GASK1B: variants seen among roughly 807,000 people sequenced by gnomAD.
The protein encoded by GASK1B is Golgi-associated kinase 1B.
A neutral mutation model predicts 42.8 loss-of-function variants in GASK1B; 34 were observed. The ratio of observed to expected loss-of-function variants is 0.79; its 90% CI spans 0.60 to 1.06. The LOEUF (loss-of-function observed/expected upper bound fraction) is 1.06. Among genes scored for constraint, GASK1B ranks in the 50% least tolerant of loss-of-function variants. The pLI is 0.00. For synonymous variants in GASK1B, 262 were observed against 259.1 expected (o/e 1.01, Z -0.11); for missense variants, 686 against 661.0 (o/e 1.04, Z -0.42).
chr4:158,164,220 T>C (rs1732141586), intron 2 of GASK1B, among the ~76,000 whole-genome samples: 1 of 152,226 alleles, frequency 6.6e-6, no homozygotes, highest in Non-Finnish European at 1.5e-5. Context: ...TAGCACATAG[T>C]AGATGCTCAA....
chr4:158,170,625 C>G lies in GASK1B; in HGVS notation c.751G>C (p.Gly251Arg), dbSNP rs146221046. The change falls in exon 2 of 5, where the codon GGG becomes CGG. Residue 251 changes from glycine to arginine, a missense_variant. By Grantham distance (125) the Gly-to-Arg change is moderately radical. Transcript: ENST00000585682. ...RSGARLLVLE[G>R]GAPGAVLRCG... ...CGGAGCACAGCGCCAGGTGCGCCCC[C>G]CTCCAGCACCAGCAAACGGGCTCCG... is the stretch of plus-strand genomic sequence containing the variant. 7.4e-5 allele frequency: 120 copies of G among 1,613,800 alleles called. No individual in the cohort carries two copies. In the African/African-American group the frequency reaches 7.7e-4, roughly 10 times the overall value.
At chr4:158,144,270 A>G (rs1731248562) in intron 3 of GASK1B, among the ~76,000 whole-genome samples, 1 of 152,210 alleles carries the variant, frequency 6.6e-6, no homozygotes, top group Admixed American at 6.5e-5. Flanking sequence ...AGCTTCCTTA[A>G]GTAAGATAAC....
intron 3 of GASK1B, among the ~76,000 whole-genome samples, chr4:158,151,026 G>C (rs1376911610): frequency 2.6e-5 from 4 of 152,150 alleles, no homozygotes; most frequent in African/African-American, 9.7e-5. Flanking sequence ...ACTAACAAAA[G>C]GATAATGTTT....
At chr4:158,150,547 T>C (rs1313989504) in intron 3 of GASK1B, among the ~76,000 whole-genome samples, 3 of 152,192 alleles carry the variant, frequency 2.0e-5, no homozygotes, top group Admixed American at 6.5e-5. Flanking sequence ...AGGAGTCTCA[T>C]ATCTTCTGCT....
chr4:158,171,582 G>A lies in GASK1B; in HGVS notation c.-207C>T. 2 of 459,184 alleles carry A rather than the reference G, an allele frequency of 4.4e-6. No homozygotes were observed. Among genetic ancestry groups the A allele is most frequent in the Non-Finnish European group, 7.5e-6 (2 of 267,750 alleles). The allele number at this position is 459,184 out of a possible 1,614,324, so 28.4% of individuals were successfully genotyped here. ...CTTTTAAATTATCAGTCTCCCCAAGGAGAAATGCGGCTTGTTTCTGGGAAT... is the reference window on the plus strand; with the variant it reads ...CTTTTAAATTATCAGTCTCCCCAAGAAGAAATGCGGCTTGTTTCTGGGAAT... On this transcript the variant is annotated 5_prime_UTR_variant, in exon 2 of 5. Coordinates refer to ENST00000585682, the MANE Select transcript of GASK1B (RefSeq NM_001128424.2).
intron 2 of GASK1B, among the ~76,000 whole-genome samples, chr4:158,165,144 GCTTAAA>G (rs1732177599): frequency 6.6e-6 from 1 of 152,176 alleles, no homozygotes; most frequent in African/African-American, 2.4e-5. Context: ...ATAGTACAAT[GCTTAAA>G]TGCTACCAAA....
intron 3 of GASK1B, among the ~76,000 whole-genome samples, chr4:158,139,848 A>G (rs867878913): frequency 6.6e-6 from 1 of 152,234 alleles, no homozygotes; most frequent in African/African-American, 2.4e-5. Flanking sequence ...ACAATTACAT[A>G]AGTGGTTTCC....
chr4:158,169,025 T>C (rs1197889581), intron 2 of GASK1B: 3 of 152,178 alleles, frequency 2.0e-5, no homozygotes, highest in Non-Finnish European at 2.9e-5. Context: ...GGGTCTATAG[T>C]CAAAACCCAG....
chr4:158,140,530 C>G (rs1731073777), intron 3 of GASK1B, among the ~76,000 whole-genome samples: 1 of 152,176 alleles, frequency 6.6e-6, no homozygotes, highest in African/African-American at 2.4e-5. Flanking sequence ...TCAGATGTTC[C>G]TATGAAAACA....
chr4:158,166,111 C>T (rs1052282309), intron 2 of GASK1B, among the ~76,000 whole-genome samples: 3 of 152,322 alleles, frequency 2.0e-5, no homozygotes, highest in South Asian at 2.1e-4. Context: ...TGGCACACTG[C>T]TGGCTCTGCC....
intron 3 of GASK1B, among the ~76,000 whole-genome samples, chr4:158,146,046 CA>C (rs1731317335): frequency 6.6e-6 from 1 of 152,102 alleles, no homozygotes; most frequent in African/African-American, 2.4e-5. Context: ...CTTCCTTTAA[CA>C]AAACTAAATA....
At chr4:158,150,230 A>T (rs1385801541) in intron 3 of GASK1B, among the ~76,000 whole-genome samples, 1 of 152,128 alleles carries the variant, frequency 6.6e-6, no homozygotes, top group Non-Finnish European at 1.5e-5. Flanking sequence ...CGGCCTCTGC[A>T]TGTATTTTTA....
intron 3 of GASK1B, among the ~76,000 whole-genome samples, chr4:158,138,846 C>G (rs1424006614): frequency 6.6e-6 from 1 of 151,966 alleles, no homozygotes; most frequent in Non-Finnish European, 1.5e-5. Context: ...TATTTTCTGG[C>G]CACTAAAAAT....
chr4:158,131,612 G>C (rs1426586393), intron 3 of GASK1B, among the ~76,000 whole-genome samples: 1 of 152,170 alleles, frequency 6.6e-6, no homozygotes, highest in Non-Finnish European at 1.5e-5. Flanking sequence ...GCCTACTGAA[G>C]TTTATTATGG....
At chr4:158,134,836 C>T (rs1301746815) in intron 3 of GASK1B, among the ~76,000 whole-genome samples, 2 of 152,114 alleles carry the variant, frequency 1.3e-5, no homozygotes, top group African/African-American at 4.8e-5. Context: ...GCCTCTGCAG[C>T]ACTGTCCTAG....
rs955884619 is a variant in GASK1B at position 158,125,914 on chromosome 4, T to C, written c.*1493A>G. 5.9e-5 allele frequency: 9 copies of C among 152,110 alleles called. No homozygotes were observed. The allele number at this position is 152,110 out of a possible 1,614,324, so 9.4% of individuals were successfully genotyped here. A position where few individuals can be genotyped will look rare whatever the true frequency, so the allele number is the denominator to read the frequency against. On this transcript the variant is annotated 3_prime_UTR_variant, in exon 5 of 5. Transcript: ENST00000585682. ...ATCTATAGATTTTTTTTTTCAAATC[T>C]AGCCTCTATTGTAACGTTGTTAGTA...
At chr4:158,152,741 A>C (rs1258330896) in intron 3 of GASK1B, among the ~76,000 whole-genome samples, 1 of 152,190 alleles carries the variant, frequency 6.6e-6, no homozygotes, top group African/African-American at 2.4e-5. Flanking sequence ...CAGAATTAAA[A>C]ACAAAAACCA....
intron 3 of GASK1B, among the ~76,000 whole-genome samples, chr4:158,154,241 C>T (rs1731672418): frequency 6.7e-6 from 1 of 149,568 alleles, no homozygotes; most frequent in African/African-American, 2.5e-5. Flanking sequence ...ATAAGATATA[C>T]AAATGGTCAA....
intron 2 of GASK1B, chr4:158,167,110 T>G (rs186241795): frequency 6.6e-6 from 1 of 152,336 alleles, no homozygotes; most frequent in East Asian, 1.9e-4. Context: ...GTGCCAGATA[T>G]AAATTTATTT....
Sources: allele counts gnomAD v4.1 joint callset (sites outside exome capture counted in the v4.1 genomes callset), GRCh38; gene constraint gnomAD v4.1.1; transcripts MANE v1.5; gene names NCBI Gene and HGNC (gene_info 2026-07-23, HGNC 2026-07-21).